PPP2R1B: variants seen among roughly 807,000 people sequenced by gnomAD.
PPP2R1B encodes protein phosphatase 2 scaffold subunit Abeta.
A neutral mutation model predicts 72.7 loss-of-function variants in PPP2R1B; 58 were observed. The ratio of observed to expected loss-of-function variants is 0.80; its 90% confidence interval spans 0.65 to 0.99. The LOEUF (loss-of-function observed/expected upper bound fraction) is 0.99, where lower values mean the gene tolerates loss of function less well. PPP2R1B is among the 50% of genes least tolerant of loss of function. The pLI is 0.00. For missense variants in PPP2R1B, 695 were observed against 733.6 expected, an observed-to-expected ratio of 0.95 and a Z score of 0.61; for synonymous variants, 256 against 264.6, an observed-to-expected ratio of 0.97 and a Z score of 0.32.
chr11:111,764,739 C>T, intron 3 of PPP2R1B, 66 bp downstream of exon 3: 1 of 1,510,532 alleles, frequency 6.6e-7, no homozygotes. Flanking sequence ...GTGTCTATCA[C>T]CAAACAATGT....
intron 10 of PPP2R1B, 25 bp downstream of exon 10, chr11:111,752,134 A>G (rs1555048108): frequency 1.3e-6 from 2 of 1,577,182 alleles, no homozygotes; most frequent in Non-Finnish European, 1.7e-6. Context: ...ACTACCCTGC[A>G]GTTCATGGAG....
At chr11:111,718,013 G>C in the PPP2R1B span, among the ~76,000 whole-genome samples, 363 of 152,070 alleles carry the variant, frequency 2.4e-3, 13 homozygotes, top group East Asian at 0.063. Flanking sequence ...AAACCACCAT[G>C]ACACACGTTT....
At chr11:111,706,959 C>CAAAA in the PPP2R1B span, among the ~76,000 whole-genome samples, 65 of 52,088 alleles carry the variant, frequency 1.2e-3, no homozygotes, top group African/African-American at 3.9e-3. Flanking sequence ...GACTCCGTCT[C>CAAAA]AAAAAAAAAA....
At chr11:111,718,811 A>G in the PPP2R1B span, 1 of 152,248 alleles carries the variant, frequency 6.6e-6, no homozygotes, top group Non-Finnish European at 1.5e-5. Flanking sequence ...GTTCCTGAGC[A>G]GCTATTCATA....
intron 10 of PPP2R1B, among the ~76,000 whole-genome samples, chr11:111,751,794 A>G (rs536886876): frequency 1.4e-4 from 22 of 152,340 alleles, no homozygotes; most frequent in Admixed American, 1.1e-3. Flanking sequence ...CCTGACCAAC[A>G]TGGTAAAACC....
At chr11:111,741,687 T>TA in intron 14 of PPP2R1B, 75 bp from the exon 15 acceptor site, 1 of 1,491,316 alleles carries the variant, frequency 6.7e-7, no homozygotes, top group Non-Finnish European at 9.3e-7. Context: ...TTAAGCACAA[T>TA]AACAATGATC....
At chr11:111,725,940 AAC>A (rs959809800), downstream of PPP2R1B, 3 of 152,222 alleles carry the variant, frequency 2.0e-5, no homozygotes, top group Non-Finnish European at 4.4e-5. Flanking sequence ...GTGATTTAAT[AAC>A]ACACAGTGAA....
At chr11:111,714,415 AG>A in the PPP2R1B span, among the ~76,000 whole-genome samples, 1 of 152,222 alleles carries the variant, frequency 6.6e-6, no homozygotes, top group Admixed American at 6.5e-5. Flanking sequence ...TATTTGAGCA[AG>A]GAAGCTCTGG....
chr11:111,692,388 A>AAAAAAAAAAAAC, the PPP2R1B span, among the ~76,000 whole-genome samples: 3 of 110,916 alleles, frequency 2.7e-5, no homozygotes, highest in African/African-American at 3.1e-5. Context: ...AAAAAAAAAA[A>AAAAAAAAAAAAC]CACAAAAAGG....
chr11:111,712,617 CCT>C, the PPP2R1B span, among the ~76,000 whole-genome samples: 2 of 152,156 alleles, frequency 1.3e-5, no homozygotes, highest in African/African-American at 4.8e-5. Flanking sequence ...AAAAGTCCTC[CCT>C]GTCTTTCTCG....
chr11:111,722,529 T>G, downstream of PPP2R1B: 1 of 805,498 alleles, frequency 1.2e-6, no homozygotes, highest in Non-Finnish European at 2.0e-6. This position sits in a 1 kb window ranked among gnomAD's most constrained non-coding sequence, Gnocchi z 4.4. Flanking sequence ...TCTCAGGGAG[T>G]AAATGTCAGT....
At chr11:111,758,530 C>G (rs1316880074) in intron 5 of PPP2R1B, among the ~76,000 whole-genome samples, 1 of 151,952 alleles carries the variant, frequency 6.6e-6, no homozygotes, top group African/African-American at 2.4e-5. Flanking sequence ...GCAGAGGTTG[C>G]AGAAAGCCGA....
At chr11:111,723,040 A>C (rs143599720), downstream of PPP2R1B, among the ~76,000 whole-genome samples, 1 of 152,258 alleles carries the variant, frequency 6.6e-6, no homozygotes, top group African/African-American at 2.4e-5. Flanking sequence ...CAGTGGCCCA[A>C]AGTATGGAGG....
At chr11:111,716,857 G>A in the PPP2R1B span, among the ~76,000 whole-genome samples, 2 of 152,116 alleles carry the variant, frequency 1.3e-5, no homozygotes, top group Non-Finnish European at 2.9e-5. Flanking sequence ...CCCACAGAAT[G>A]AGAGAACATT....
the PPP2R1B span, among the ~76,000 whole-genome samples, chr11:111,699,910 A>T: frequency 6.6e-6 from 1 of 152,240 alleles, no homozygotes; most frequent in South Asian, 2.1e-4. Flanking sequence ...GCCATCTCTT[A>T]AAGCTCACTG....
chr11:111,726,370 G>A (rs1943966802), downstream of PPP2R1B: 1 of 152,586 alleles, frequency 6.6e-6, no homozygotes, highest in Non-Finnish European at 1.5e-5. Flanking sequence ...AGAGGCTACT[G>A]GAAGGTTAAG....
At chr11:111,727,528 A>G in intron 15 of PPP2R1B, 1 of 164,522 alleles carries the variant, frequency 6.1e-6, no homozygotes, top group Non-Finnish European at 1.3e-5. Context: ...GCAAGGGGGG[A>G]CCCCCCCTGT....
chr11:111,764,858 G>A lies in PPP2R1B; in HGVS notation c.253C>T (p.Leu85=). The change falls in exon 3 of 15, where the codon CTG becomes TTG. Residue 85 remains leucine (L), a synonymous_variant. Transcript: ENST00000527614. ...CCCACTAGGCCAGTGAAATTTCCCA[G>A]CTGCTCAGCAAGAGCTAATAGTACC... ...DEVLLALAEQ[L]GNFTGLVGGP... is the part of the protein sequence containing the mutation. 1 of 1,614,112 alleles carries A rather than the reference G, an allele frequency of 6.2e-7. No homozygotes were observed. Among genetic ancestry groups the A allele is most frequent in the Non-Finnish European group, 8.5e-7 (1 of 1,180,032 alleles).
the PPP2R1B span, among the ~76,000 whole-genome samples, chr11:111,721,319 C>T: frequency 2.6e-5 from 4 of 152,182 alleles, no homozygotes; most frequent in Non-Finnish European, 4.4e-5. Flanking sequence ...GGGCAGAGTA[C>T]AGATGAGTGA....
Sources: gnomAD v4.1 joint callset for allele counts (sites outside exome capture counted in the v4.1 genomes callset) on GRCh38, gnomAD v4.1.1 for gene constraint, Gnocchi (gnomAD v3.1) non-coding constraint, MANE v1.5 for transcripts, NCBI Gene and HGNC (gene_info 2026-07-23, HGNC 2026-07-21) for gene names.